Variants in MUC22 observed in about 807,000 individuals in gnomAD.
MUC22 encodes mucin 22.
A neutral mutation model predicts 40.3 loss-of-function variants in MUC22; 24 were observed. The observed-to-expected ratio is 0.60, with a 90% CI of 0.43 to 0.84. The LOEUF is 0.84. Ranked by LOEUF, MUC22 falls within the 40% of genes least tolerant of loss-of-function variation. The pLI is 0.00. For missense variants in MUC22, 1,926 were observed against 2,130.7 expected, an observed-to-expected ratio of 0.90 and a Z score of 1.89; for synonymous variants, 765 against 844.5, an observed-to-expected ratio of 0.91 and a Z score of 1.63.
rs901821281 is a variant in MUC22, at chr6:31,027,818, C to G, written c.2387C>G (p.Thr796Ser). The G allele has an allele frequency of 1.4e-5, 22 of 1,534,846 alleles. No individual in the cohort carries two copies. The highest frequency in any genetic ancestry group is 1.8e-5 in the Non-Finnish European group (21 of 1,146,646). The change falls in exon 2 of 4, where the codon ACT (threonine) becomes AGT (serine). Residue 796 changes from threonine to serine, a missense_variant. Transcript: ENST00000561890. ...GTCTCCACCACAGGCTCTGAGACCA[C>G]TACAGTTTCCACCACAGGCTTGGAG...
At chr6:31,023,016 G>C (rs753117297) in intron 1 of MUC22, among the ~76,000 whole-genome samples, 17 of 152,074 alleles carry the variant, frequency 1.1e-4, no homozygotes, top group Non-Finnish European at 2.2e-4. Flanking sequence ...TGTGGTTCCA[G>C]CTACTCAGGA....
At chr6:31,022,169 G>A (rs895325407) in intron 1 of MUC22, among the ~76,000 whole-genome samples, 5 of 152,160 alleles carry the variant, frequency 3.3e-5, no homozygotes, top group Admixed American at 6.5e-5. Context: ...GCCACCTTAA[G>A]AGCTGTAACA....
chr6:31,014,268 T>G (rs890568372), intron 1 of MUC22, among the ~76,000 whole-genome samples: 1 of 152,158 alleles, frequency 6.6e-6, no homozygotes, highest in African/African-American at 2.4e-5. Flanking sequence ...TGTAATTAAT[T>G]CATCCCAAAA....
chr6:31,012,118 G>A (rs1763901856), intron 1 of MUC22, among the ~76,000 whole-genome samples: 1 of 152,126 alleles, frequency 6.6e-6, no homozygotes, highest in African/African-American at 2.4e-5. Context: ...CCCTAATTAT[G>A]AGACACCAGG....
intron 1 of MUC22, among the ~76,000 whole-genome samples, chr6:31,019,951 A>G (rs191653775): frequency 6.6e-6 from 1 of 152,336 alleles, no homozygotes; most frequent in Non-Finnish European, 1.5e-5. Context: ...GTATGGGCTG[A>G]AAATGAATGA....
chr6:31,026,153 C>A lies in MUC22; in HGVS notation c.722C>A (p.Ser241Ter). The A allele has an allele frequency of 6.6e-7, 1 of 1,524,932 alleles. No individual in the cohort carries two copies. Among genetic ancestry groups the A allele is most frequent in the Non-Finnish European group, 8.8e-7 (1 of 1,138,358 alleles). 94.5% of individuals were successfully genotyped at this position (1,524,932 alleles called of 1,614,324 possible). A position where few individuals can be genotyped will look rare whatever the true frequency, so the allele number is the denominator to read the frequency against. The change falls in exon 2 of 4, where the codon TCA becomes TAA. Residue 241 changes from serine (S) to a stop codon, truncating the protein, a stop_gained. Coordinates refer to ENST00000561890, the Ensembl canonical transcript of MUC22. LOFTEE classifies it high-confidence loss of function. ...GCAGGCTCTGAGGCCACCACAACCT[C>A]AACTGCAGACTCCAAGGTGATCACG...
chr6:31,033,533 G>T (rs114051916), intron 3 of MUC22, among the ~76,000 whole-genome samples: 2 of 152,056 alleles, frequency 1.3e-5, no homozygotes, highest in African/African-American at 4.8e-5. Flanking sequence ...TTCTTACATC[G>T]ATTTCACATT....
Position 31,032,712 on chromosome 6 carries a change from T to C in MUC22, c.5055+131T>C, listed in dbSNP as rs9468861. 11,940 of 963,084 alleles carry C rather than the reference T, an allele frequency of 0.012. 122 individuals carry two copies. The highest frequency in any genetic ancestry group is 0.023 in the African/African-American group (1,391 of 60,646). 59.7% of individuals were successfully genotyped at this position (963,084 alleles called of 1,614,324 possible). ...GTGCGCTCAGAAGGAAAGAATCACC[T>C]AGCCTGATATAAGGACCAGAGAGAA... On this transcript the variant is annotated intron_variant, in intron 3 of 3. Coordinates refer to ENST00000561890, the Ensembl canonical transcript of MUC22. The surrounding 1 kb of genome is among the most constrained non-coding windows in gnomAD (Gnocchi z 4.1).
Position 31,032,700 on chromosome 6 carries a change from G to A in MUC22, c.5055+119G>A. ...GGGAGTAAGTTGGTGCGCTCAGAAG[G>A]AAAGAATCACCTAGCCTGATATAAG... On this transcript the variant is annotated intron_variant, in intron 3 of 3. Coordinates refer to ENST00000561890, the Ensembl canonical transcript of MUC22. This position sits in a 1 kb window ranked among gnomAD's most constrained non-coding sequence, Gnocchi z 4.1. The A allele has an allele frequency of 9.0e-7, 1 of 1,106,336 alleles. No individual in the cohort carries two copies. Among genetic ancestry groups the A allele is most frequent in the Non-Finnish European group, 1.3e-6 (1 of 794,954 alleles). The allele number at this position is 1,106,336 out of a possible 1,614,324, so 68.5% of individuals were successfully genotyped here. A position where few individuals can be genotyped will look rare whatever the true frequency, so the allele number is the denominator to read the frequency against.
At chr6:31,034,881 T>C in exon 4 of MUC22, 3 of 1,535,382 alleles carry the variant, frequency 2.0e-6, no homozygotes, top group Non-Finnish European at 2.6e-6. Flanking sequence ...GCCACATCCA[T>C]GGAGATGGCT....
intron 3 of MUC22, among the ~76,000 whole-genome samples, chr6:31,033,893 T>G (rs1287633316): frequency 6.6e-6 from 1 of 152,194 alleles, no homozygotes. Context: ...GGTTCTTTGT[T>G]TTAGAATTCT....
At chr6:31,024,592 T>C (rs1238044155) in intron 1 of MUC22, among the ~76,000 whole-genome samples, 2 of 152,152 alleles carry the variant, frequency 1.3e-5, no homozygotes, top group African/African-American at 4.8e-5. Flanking sequence ...GCAAAAGAAA[T>C]GTGGGCTTAT....
exon 4 of MUC22, chr6:31,035,095 A>G: frequency 1.2e-6 from 1 of 811,708 alleles, no homozygotes; most frequent in East Asian, 2.7e-5. Flanking sequence ...AATGGAGCAT[A>G]GGAAGCTTCC....
exon 2 of MUC22, chr6:31,028,564 A>C (rs1303551089): frequency 6.5e-7 from 1 of 1,534,202 alleles, no homozygotes; most frequent in South Asian, 1.2e-5. Context: ...CTCTGAGACC[A>C]CCAAGGTCTC....
At chr6:31,024,340 G>C (rs1476269720) in intron 1 of MUC22, among the ~76,000 whole-genome samples, 2 of 151,854 alleles carry the variant, frequency 1.3e-5, no homozygotes, top group African/African-American at 4.8e-5. Flanking sequence ...TCTTGATCTT[G>C]ATGGCTGTAT....
chr6:31,025,449 C>G, intron 1 of MUC22, 53 bp from the exon 2 acceptor site: 1 of 1,444,512 alleles, frequency 6.9e-7, no homozygotes, highest in Non-Finnish European at 9.1e-7. Flanking sequence ...TATACTAAAC[C>G]TGCAAATTCA....
chr6:31,031,901 T>A (rs1355773833), intron 2 of MUC22, among the ~76,000 whole-genome samples: 1 of 152,158 alleles, frequency 6.6e-6, no homozygotes, highest in Admixed American at 6.6e-5. Flanking sequence ...TGAAGTCAAA[T>A]AGATCTTCCA....
Position 31,032,415 on chromosome 6 carries a change from A to G in MUC22, c.4889A>G (p.Gln1630Arg). The G allele has an allele frequency of 6.5e-7, 1 of 1,535,730 alleles. No individual in the cohort carries two copies. Among genetic ancestry groups the G allele is most frequent in the African/African-American group, 1.4e-5 (1 of 73,160 alleles). ...CGTGAGCCAACCAGCAGCACCTTCC[A>G]GGAAACAGGCCCGGTGTCCATGGGC... Residue 1630 changes from glutamine (Q) to arginine (R), a missense_variant, in exon 3 of 4, where the codon CAG becomes CGG. Gln to Arg is a conservative substitution (Grantham distance 43). This residue lies in a region of MUC22 where 610 missense variants were observed against 714.6 expected (regional missense o/e 0.85). Coordinates refer to ENST00000561890, the Ensembl canonical transcript of MUC22. This position sits in a 1 kb window ranked among gnomAD's most constrained non-coding sequence, Gnocchi z 4.1.
At chr6:31,014,061 T>C (rs776091775) in intron 1 of MUC22, among the ~76,000 whole-genome samples, 2 of 152,142 alleles carry the variant, frequency 1.3e-5, no homozygotes, top group Admixed American at 1.3e-4. Context: ...AACTATAAAT[T>C]TTACCTCTAG....
Sources: allele counts gnomAD v4.1 joint callset (sites outside exome capture counted in the v4.1 genomes callset), GRCh38; gene constraint gnomAD v4.1.1; regional missense constraint gnomAD v4.1.1; non-coding constraint Gnocchi (gnomAD v3.1); transcripts MANE v1.5; gene names NCBI Gene and HGNC (gene_info 2026-07-23, HGNC 2026-07-21).